Variants in KIAA1671 observed in about 807,000 individuals in gnomAD.
The protein encoded by KIAA1671 is KIAA1671.
A neutral mutation model predicts 131.2 loss-of-function variants in KIAA1671; 52 were observed. The observed-to-expected ratio is 0.40, with a 90% CI of 0.32 to 0.50. The LOEUF (loss-of-function observed/expected upper bound fraction) is 0.50. KIAA1671 is among the 20% of genes least tolerant of loss of function. The pLI is 0.73. For missense variants in KIAA1671, 2,360 were observed against 2,364.2 expected (o/e 1.00, Z 0.04); for synonymous variants, 1,003 against 961.6 (o/e 1.04, Z -0.80).
rs375185342 is a variant in KIAA1671, at chr22:25,104,945, G to GT, written c.4530+55582dup. Among the ~76,000 whole-genome samples the GT allele has an allele frequency of 3.2e-3, 483 of 152,218 alleles. 2 individuals carry two copies. The highest frequency in any genetic ancestry group is 0.011 in the African/African-American group (453 of 41,524). On this transcript the variant is annotated intron_variant, in intron 6 of 12. Coordinates refer to ENST00000358431, the MANE Select transcript of KIAA1671 (RefSeq NM_001145206.2). ...AAGCCCAACACTGAACTTGCAGAAA[G>GT]TAACTGTCCAGGGAATGTTTGTTGA...
chr22:24,973,383 A>G (rs1239555170), intron 1 of KIAA1671, among the ~76,000 whole-genome samples: 3 of 123,228 alleles, frequency 2.4e-5, no homozygotes, highest in African/African-American at 9.4e-5. Context: ...CAAACTGCAT[A>G]TGATGGTTTT....
intron 9 of KIAA1671, 129 bp downstream of exon 9, chr22:25,177,651 A>AT (rs35952412): frequency 0.099 from 68,382 of 688,612 alleles, 2,201 homozygotes; most frequent in South Asian, 0.17. Context: ...TAGGAAACTG[A>AT]TTTTTTTTTT....
intron 6 of KIAA1671, among the ~76,000 whole-genome samples, chr22:25,133,996 A>G (rs1932566604): frequency 6.6e-6 from 1 of 152,336 alleles, no homozygotes; most frequent in East Asian, 1.9e-4. Context: ...CATCTGGTAC[A>G]GGACCCCCTT....
chr22:25,104,563 C>A (rs544286140), intron 6 of KIAA1671, among the ~76,000 whole-genome samples: 1 of 152,226 alleles, frequency 6.6e-6, no homozygotes, highest in South Asian at 2.1e-4. Flanking sequence ...TTGGAATACT[C>A]CTATTTATCC....
intron 1 of KIAA1671, among the ~76,000 whole-genome samples, chr22:24,963,695 C>T (rs546113441): frequency 3.9e-5 from 6 of 152,130 alleles, no homozygotes; most frequent in Non-Finnish European, 7.4e-5. Context: ...AATCCCAGCA[C>T]TTTGGGAGGA....
chr22:24,995,140 T>A (rs1924050556), intron 1 of KIAA1671, among the ~76,000 whole-genome samples: 1 of 149,736 alleles, frequency 6.7e-6, no homozygotes, highest in Admixed American at 6.7e-5. Flanking sequence ...AAGCTCCGCC[T>A]CCCGGGTTCA....
At chr22:25,182,939 A>T (rs1045344911) in intron 10 of KIAA1671, among the ~76,000 whole-genome samples, 4 of 152,220 alleles carry the variant, frequency 2.6e-5, no homozygotes, top group African/African-American at 9.7e-5. Flanking sequence ...CCAGAATGCC[A>T]ACTGTATTAT....
chr22:25,017,616 T>C (rs1174125895), intron 1 of KIAA1671, among the ~76,000 whole-genome samples: 2 of 152,172 alleles, frequency 1.3e-5, no homozygotes, highest in African/African-American at 4.8e-5. Context: ...CTTGAAATGG[T>C]TGAAATAGTA....
At chr22:25,145,883 T>C (rs1315543203) in intron 6 of KIAA1671, among the ~76,000 whole-genome samples, 1 of 151,106 alleles carries the variant, frequency 6.6e-6, no homozygotes, top group Non-Finnish European at 1.5e-5. Context: ...AAGGCTGCAG[T>C]GAGCTATGAT....
chr22:24,987,645 A>G (rs1569199352), intron 1 of KIAA1671, among the ~76,000 whole-genome samples: 1 of 151,912 alleles, frequency 6.6e-6, no homozygotes, highest in Non-Finnish European at 1.5e-5. Flanking sequence ...TAATTATTTT[A>G]TTTTTTGTAG....
intron 6 of KIAA1671, among the ~76,000 whole-genome samples, chr22:25,068,927 G>A (rs553688310): frequency 3.4e-4 from 52 of 152,276 alleles, no homozygotes; most frequent in African/African-American, 1.2e-3. Flanking sequence ...CACCTCCCCC[G>A]CCTCAGTTTT....
intron 6 of KIAA1671, 82 bp from the exon 7 acceptor site, chr22:25,170,738 C>A (rs1022663447): frequency 2.9e-6 from 4 of 1,364,776 alleles, no homozygotes; most frequent in Admixed American, 4.0e-5. Context: ...GGGGGCCATG[C>A]GATCTGATTT....
chr22:25,054,480 T>C (rs1056477041), intron 6 of KIAA1671: 3 of 148,948 alleles, frequency 2.0e-5, no homozygotes, highest in Non-Finnish European at 3.0e-5. Flanking sequence ...AGGTGGGTGA[T>C]AGGTAGATGT....
Position 25,040,451 on chromosome 22 carries a change from C to G in KIAA1671, c.3321C>G (p.Asp1107Glu). ...ASILKTLKPTDRPSSLGAWSL... is the reference protein window; with the variant it reads ...ASILKTLKPTERPSSLGAWSL... Reference sequence around the variant, plus strand: ...TTTTAAAAACTCTGAAGCCAACAGACCGTCCATCATCTCTTGGGGCCTGGA... The same window carrying G: ...TTTTAAAAACTCTGAAGCCAACAGAGCGTCCATCATCTCTTGGGGCCTGGA... The change falls in exon 5 of 13, where the codon GAC (aspartate) becomes GAG (glutamate). Residue 1107 changes from aspartate to glutamate, a missense_variant. By Grantham distance (45) the Asp-to-Glu change is conservative. Transcript: ENST00000358431. 6.4e-7 allele frequency: 1 copy of G among 1,552,064 alleles called. No individual in the cohort carries two copies. Among genetic ancestry groups the G allele is most frequent in the Non-Finnish European group, 8.7e-7 (1 of 1,147,074 alleles).
intron 1 of KIAA1671, among the ~76,000 whole-genome samples, chr22:25,000,726 G>C (rs5996808): frequency 2.0e-5 from 3 of 151,298 alleles, no homozygotes; most frequent in Non-Finnish European, 4.4e-5. Context: ...CATGTTGGCC[G>C]GGCTGGTCTT....
intron 6 of KIAA1671, among the ~76,000 whole-genome samples, chr22:25,141,087 C>T (rs772220601): frequency 2.6e-5 from 4 of 152,052 alleles, no homozygotes; most frequent in East Asian, 3.9e-4. Context: ...GAGAACCAGA[C>T]GTTAAACATG....
chr22:25,011,650 T>A (rs1486437178), intron 1 of KIAA1671: 8 of 146,844 alleles, frequency 5.4e-5, no homozygotes, highest in African/African-American at 2.0e-4. Flanking sequence ...TTTTTTTTTT[T>A]TTTTGGAGTT....
intron 6 of KIAA1671, among the ~76,000 whole-genome samples, chr22:25,115,323 G>A (rs545970740): frequency 4.9e-4 from 74 of 152,268 alleles, no homozygotes; most frequent in African/African-American, 1.4e-3. Context: ...GGGAAGTGGG[G>A]GGTCTCTGAG....
At chr22:24,958,341 G>C (rs1450577745) in intron 1 of KIAA1671, among the ~76,000 whole-genome samples, 1 of 151,996 alleles carries the variant, frequency 6.6e-6, no homozygotes, top group Admixed American at 6.6e-5. Context: ...GCAACATAGC[G>C]AGACTGTCTC....
Sources: gnomAD v4.1 joint callset for allele counts (sites outside exome capture counted in the v4.1 genomes callset) on GRCh38, gnomAD v4.1.1 for gene constraint, MANE v1.5 for transcripts, NCBI Gene and HGNC (gene_info 2026-07-23, HGNC 2026-07-21) for gene names.